The following RB1 variants were observed in gnomAD, a reference collection of about 807,000 sequenced individuals.
RB1 encodes RB transcriptional corepressor 1.
RB1 carries 18 observed loss-of-function variants against 135.4 expected under a neutral mutation model. That is an observed-to-expected ratio of 0.13 (90% CI 0.09 to 0.20). The LOEUF (loss-of-function observed/expected upper bound fraction) is 0.20. Among genes scored for constraint, RB1 ranks in the 10% least tolerant of loss-of-function variants. The pLI is 1.00. For missense variants in RB1, 868 were observed against 1,110.0 expected, an observed-to-expected ratio of 0.78 and a Z score of 3.10; for synonymous variants, 365 against 373.2, an observed-to-expected ratio of 0.98 and a Z score of 0.25.
intron 2 of RB1, chr13:48,320,248 T>A: frequency 8.8e-7 from 1 of 1,134,598 alleles, no homozygotes; most frequent in Non-Finnish European, 1.3e-6. Flanking sequence ...TGGCTTGGCG[T>A]CTGCCCTGTG....
chr13:48,415,183 T>A (rs898329510), intron 17 of RB1, among the ~76,000 whole-genome samples: 8 of 152,190 alleles, frequency 5.3e-5, no homozygotes, highest in Non-Finnish European at 1.0e-4. Context: ...TAAAATTTAT[T>A]AATTCTACTT....
At chr13:48,429,123 G>A (rs898529571) in intron 17 of RB1, 1 of 152,176 alleles carries the variant, frequency 6.6e-6, no homozygotes, top group Non-Finnish European at 1.5e-5. Context: ...TTATTGTAAT[G>A]TTATAAAATG....
chr13:48,418,517 A>G (rs1948952220), intron 17 of RB1, among the ~76,000 whole-genome samples: 1 of 152,206 alleles, frequency 6.6e-6, no homozygotes, highest in Non-Finnish European at 1.5e-5. Context: ...TAATGACAGG[A>G]TCAGATTCAC....
Position 48,319,859 on chromosome 13 carries a change from C to T in RB1, c.264+12453C>T. 1 of 333,574 alleles carries T rather than the reference C, an allele frequency of 3.0e-6. No individual in the cohort carries two copies. The allele number at this position is 333,574 out of a possible 1,614,324, so 20.7% of individuals were successfully genotyped here. On this transcript the variant is annotated intron_variant, in intron 2 of 26. Transcript: ENST00000267163. This position sits in a 1 kb window ranked among gnomAD's most constrained non-coding sequence, Gnocchi z 5.0. ...TTGCTGCTCGCTCTGACCGGGAAGG[C>T]AGAACCCTAGTCCTCACTGGATCTC...
intron 7 of RB1, among the ~76,000 whole-genome samples, chr13:48,362,084 A>C (rs1952647740): frequency 6.6e-6 from 1 of 151,706 alleles, no homozygotes; most frequent in Non-Finnish European, 1.5e-5. Flanking sequence ...AGTAGCTGGG[A>C]CTATGGGCAT....
chr13:48,373,035 A>G (rs1338565241), intron 11 of RB1, among the ~76,000 whole-genome samples: 1 of 152,118 alleles, frequency 6.6e-6, no homozygotes, highest in Admixed American at 6.5e-5. Context: ...TAAGTATCTT[A>G]TTGTCTTTAA....
intron 5 of RB1, 50 bp downstream of exon 5, chr13:48,347,913 T>A (rs2138091915): frequency 7.3e-7 from 1 of 1,373,684 alleles, no homozygotes; most frequent in South Asian, 1.2e-5. Flanking sequence ...AAGATTTTTA[T>A]GGAATAATCT....
intron 17 of RB1, among the ~76,000 whole-genome samples, chr13:48,425,384 G>T (rs1321980901): frequency 6.6e-6 from 1 of 152,208 alleles, no homozygotes; most frequent in Non-Finnish European, 1.5e-5. Flanking sequence ...ATTCCTGGAA[G>T]ATGTTAATTC....
At chr13:48,443,924 G>A (rs1415096542) in intron 17 of RB1, among the ~76,000 whole-genome samples, 3 of 152,152 alleles carry the variant, frequency 2.0e-5, no homozygotes, top group South Asian at 4.2e-4. Flanking sequence ...CTCAAACCAT[G>A]TTTTTCTTCT....
chr13:48,310,498 G>A lies in RB1; in HGVS notation c.264+3092G>A, dbSNP rs143040456. 5.5e-3 allele frequency among the ~76,000 whole-genome samples: 837 copies of A among 152,268 alleles called. 5 individuals carry two copies. The highest frequency in any genetic ancestry group is 0.01 in the Middle Eastern group (3 of 294). ...TTCTTACCTGTAAAAGGGACTGACA[G>A]TAATTTCTGGATCTTGGAGTTATGT... On this transcript the variant is annotated intron_variant, in intron 2 of 26. Coordinates refer to ENST00000267163, the MANE Select transcript of RB1 (RefSeq NM_000321.3).
intron 6 of RB1, among the ~76,000 whole-genome samples, chr13:48,355,985 A>G (rs752512519): frequency 6.6e-6 from 1 of 152,008 alleles, no homozygotes; most frequent in African/African-American, 2.4e-5. Context: ...GAAAAAATGA[A>G]TAAGACTTTA....
At chr13:48,312,907 T>A (rs1952143602) in intron 2 of RB1, among the ~76,000 whole-genome samples, 1 of 152,204 alleles carries the variant, frequency 6.6e-6, no homozygotes, top group African/African-American at 2.4e-5. Context: ...TGCTTTAAAA[T>A]TTATTTTTCA....
chr13:48,353,759 T>C (rs188495238), intron 6 of RB1, among the ~76,000 whole-genome samples: 4 of 152,260 alleles, frequency 2.6e-5, no homozygotes, highest in Admixed American at 1.3e-4. Flanking sequence ...CGCAGTGGGA[T>C]TTATCCCTGC....
intron 8 of RB1, among the ~76,000 whole-genome samples, chr13:48,363,382 C>G (rs2138113784): frequency 6.6e-6 from 1 of 152,150 alleles, no homozygotes; most frequent in South Asian, 2.1e-4. Context: ...GAGACTCTGT[C>G]TCTACAAAAT....
chr13:48,394,422 AG>A (rs985957132), intron 17 of RB1, among the ~76,000 whole-genome samples: 1 of 152,186 alleles, frequency 6.6e-6, no homozygotes, highest in Non-Finnish European at 1.5e-5. Flanking sequence ...TCCCCCGGAA[AG>A]GGGGCTGAAG....
chr13:48,362,864 T>G lies in RB1; in HGVS notation c.768T>G (p.Gly256=), dbSNP rs2138112350. The part of the protein sequence containing the change: ...INGSPRTPRR[G]QNRSARIAKQ... ...GTTCACCTCGAACACCCAGGCGAGG[T>G]CAGAACAGGAGTGCACGGATAGCAA... is the stretch of plus-strand genomic sequence containing the variant. The change falls in exon 8 of 27, where the codon GGT becomes GGG. Residue 256 remains glycine, a synonymous_variant. Coordinates refer to ENST00000267163, the MANE Select transcript of RB1 (RefSeq NM_000321.3). The G allele has an allele frequency of 6.2e-7, 1 of 1,613,832 alleles. No homozygotes were observed. The highest frequency in any genetic ancestry group is 8.5e-7 in the Non-Finnish European group (1 of 1,179,874).
At chr13:48,328,571 C>T in intron 2 of RB1, 1 of 670,794 alleles carries the variant, frequency 1.5e-6, no homozygotes, top group South Asian at 1.6e-5. Flanking sequence ...ATTTCCCCCG[C>T]CGCATTGTTT....
At chr13:48,410,427 CA>C (rs1316116377) in intron 17 of RB1, among the ~76,000 whole-genome samples, 3 of 152,128 alleles carry the variant, frequency 2.0e-5, no homozygotes, top group Non-Finnish European at 4.4e-5. Context: ...TGTGTAAGTA[CA>C]CACTGTGATG....
At chr13:48,333,071 G>A (rs1008098963) in intron 2 of RB1, 58 of 398,174 alleles carry the variant, frequency 1.5e-4, no homozygotes, top group Non-Finnish European at 2.4e-4. Flanking sequence ...CTGAAACTGT[G>A]GAAAGTGAAA....
Sources: allele counts gnomAD v4.1 joint callset (sites outside exome capture counted in the v4.1 genomes callset), GRCh38; gene constraint gnomAD v4.1.1; non-coding constraint Gnocchi (gnomAD v3.1); transcripts MANE v1.5; gene names NCBI Gene and HGNC (gene_info 2026-07-23, HGNC 2026-07-21).